Variants in GALK2 observed in about 807,000 individuals in gnomAD.
GALK2 encodes galactokinase 2.
GALK2 carries 36 observed loss-of-function variants against 52.4 expected under a neutral mutation model. That is an observed-to-expected ratio of 0.69 (90% CI 0.53 to 0.91). The LOEUF is 0.91. GALK2 is among the 40% of genes least tolerant of loss of function. The probability of loss-of-function intolerance (pLI) is 0.00; values close to 1 mark genes in which losing one functional copy is unlikely to be tolerated. For missense variants in GALK2, 579 were observed against 559.1 expected (o/e 1.04, Z -0.36); for synonymous variants, 176 against 199.1 (o/e 0.88, Z 0.98).
chr15:49,187,285 C>G (rs1176578832), intron 1 of GALK2, among the ~76,000 whole-genome samples: 1 of 152,122 alleles, frequency 6.6e-6, no homozygotes, highest in Admixed American at 6.6e-5. Context: ...CATTTTCCCC[C>G]AAAGAGAATT....
chr15:49,358,074 G>C (rs1304635628), intron 3 of GALK2, among the ~76,000 whole-genome samples: 3 of 151,982 alleles, frequency 2.0e-5, no homozygotes, highest in Non-Finnish European at 4.4e-5. Context: ...ATTAGGTATT[G>C]ATGGGACGTA....
chr15:49,312,522 A>G (rs1053223786), intron 8 of GALK2, among the ~76,000 whole-genome samples: 2 of 152,166 alleles, frequency 1.3e-5, no homozygotes, highest in African/African-American at 2.4e-5. Context: ...TGAGGTTCTC[A>G]GACTTGGACT....
downstream of GALK2, among the ~76,000 whole-genome samples, chr15:49,332,453 C>A (rs1268575876): frequency 1.3e-5 from 2 of 152,058 alleles, no homozygotes; most frequent in African/African-American, 4.8e-5. Flanking sequence ...ATATCTGTCA[C>A]CAAGTATTCA....
Position 49,346,254 on chromosome 15 carries a change from A to G in GALK2, c.427-21237A>G, listed in dbSNP as rs555870334. Among the ~76,000 whole-genome samples the G allele has an allele frequency of 2.1e-4, 32 of 152,316 alleles. No homozygotes were observed. The South Asian group carries it at 6.2e-3, about 30-fold the overall frequency. ...TTGAGCTGGGCCTGCGCAAGTGCGCAACAAATGGCCTTTTGACCATGGAGG... is the reference window on the plus strand; with the variant it reads ...TTGAGCTGGGCCTGCGCAAGTGCGCGACAAATGGCCTTTTGACCATGGAGG... On this transcript the variant is annotated intron_variant, in intron 3 of 3. Coordinates refer to the GALK2 transcript ENST00000558399.
intron 3 of GALK2, among the ~76,000 whole-genome samples, chr15:49,231,316 T>A (rs2090491352): frequency 6.6e-6 from 1 of 152,178 alleles, no homozygotes. Flanking sequence ...AAGTGAGAAC[T>A]GTATCACGAG....
upstream of GALK2, among the ~76,000 whole-genome samples, chr15:49,168,618 T>C (rs991181553): frequency 2.0e-5 from 3 of 151,626 alleles, no homozygotes; most frequent in African/African-American, 7.3e-5. Context: ...CTTGGGAGGC[T>C]GAGACGGGAG....
rs1193989271 is a variant in GALK2, at chr15:49,244,811, A to T, written c.504+5444A>T. Among the ~76,000 whole-genome samples, 6 of 152,138 alleles carry T rather than the reference A, an allele frequency of 3.9e-5. No individual in the cohort carries two copies. The South Asian group carries it at 1.2e-3, about 31-fold the overall frequency. On this transcript the variant is annotated intron_variant, in intron 5 of 9. Transcript: ENST00000560031. ...GAAAGCAGTGCAGATTAAAATGAGG[A>T]GAGGGAAAGATGGAACTTATAATCT...
At chr15:49,346,956 A>T (rs73396235) in intron 3 of GALK2, among the ~76,000 whole-genome samples, 25,504 of 152,234 alleles carry the variant, frequency 0.17, 2,402 homozygotes, top group Non-Finnish European at 0.21. Flanking sequence ...TAGTTTACCC[A>T]ACATCCATGT....
chr15:49,355,945 T>G (rs867896519), intron 3 of GALK2, among the ~76,000 whole-genome samples: 3,044 of 151,212 alleles, frequency 0.02, 41 homozygotes, highest in Middle Eastern at 0.031. Context: ...TCAACATTCT[T>G]AAAGAAAAGA....
intron 5 of GALK2, among the ~76,000 whole-genome samples, chr15:49,244,224 G>C (rs1237794850): frequency 6.6e-6 from 1 of 151,910 alleles, no homozygotes; most frequent in Non-Finnish European, 1.5e-5. Flanking sequence ...TTATAGGTGT[G>C]AGCCACTGTG....
At chr15:49,360,964 ATCC>A (rs2044118594) in intron 3 of GALK2, among the ~76,000 whole-genome samples, 1 of 152,156 alleles carries the variant, frequency 6.6e-6, no homozygotes, top group Non-Finnish European at 1.5e-5. Flanking sequence ...CAATAATGTC[ATCC>A]TCCCTCTTGT....
intron 5 of GALK2, among the ~76,000 whole-genome samples, chr15:49,245,768 C>T (rs1031926819): frequency 2.6e-5 from 4 of 152,168 alleles, no homozygotes; most frequent in Admixed American, 6.5e-5. Context: ...TGCATTATTC[C>T]TCAACTCAAA....
intron 5 of GALK2, among the ~76,000 whole-genome samples, chr15:49,243,048 G>A (rs1465996618): frequency 3.9e-5 from 6 of 152,200 alleles, no homozygotes; most frequent in Admixed American, 3.9e-4. Flanking sequence ...AGTGCCTGCG[G>A]AGGGAGTTGC....
chr15:49,207,598 GA>G, intron 2 of GALK2, among the ~76,000 whole-genome samples: 1 of 151,958 alleles, frequency 6.6e-6, no homozygotes, highest in Admixed American at 6.6e-5. Context: ...ATTTTTCCAG[GA>G]ATTTATCCAT....
Position 49,189,882 on chromosome 15 carries a change from G to T in GALK2, c.54-11280G>T, listed in dbSNP as rs902111421. ...TGTATTTTTCCATTTAATATTTTCA[G>T]ACCATGGTTGACAGCAGATAACCGA... On this transcript the variant is annotated intron_variant, in intron 1 of 9. Transcript: ENST00000560031. 5.9e-5 allele frequency among the ~76,000 whole-genome samples: 9 copies of T among 152,232 alleles called. 1 individual carries two copies. The highest frequency in any genetic ancestry group is 2.2e-4 in the African/African-American group (9 of 41,532).
At chr15:49,306,275 C>T (rs1023261328) in intron 8 of GALK2, among the ~76,000 whole-genome samples, 3 of 151,870 alleles carry the variant, frequency 2.0e-5, no homozygotes, top group Non-Finnish European at 4.4e-5. Context: ...AAACTGTTGA[C>T]GTAATCTGTT....
intron 1 of GALK2, among the ~76,000 whole-genome samples, chr15:49,174,725 C>CTA (rs2085328361): frequency 1.3e-5 from 2 of 151,684 alleles, no homozygotes; most frequent in African/African-American, 2.4e-5. Context: ...ACCATTTATT[C>CTA]TATATATATT....
At chr15:49,183,015 T>G (rs2086085925) in intron 1 of GALK2, among the ~76,000 whole-genome samples, 1 of 152,190 alleles carries the variant, frequency 6.6e-6, no homozygotes, top group African/African-American at 2.4e-5. Context: ...CATTTTTGCT[T>G]TGGTAGCCTT....
chr15:49,299,249 T>C (rs2034753914), intron 8 of GALK2, among the ~76,000 whole-genome samples: 1 of 152,174 alleles, frequency 6.6e-6, no homozygotes, highest in Non-Finnish European at 1.5e-5. Flanking sequence ...CTTTGTCATT[T>C]CTGATTATGT....
Sources: allele counts gnomAD v4.1 joint callset (sites outside exome capture counted in the v4.1 genomes callset), GRCh38; gene constraint gnomAD v4.1.1; transcripts MANE v1.5; gene names NCBI Gene and HGNC (gene_info 2026-07-23, HGNC 2026-07-21).